PLCG2: variants seen among roughly 807,000 people sequenced by gnomAD.
PLCG2 encodes the protein phospholipase C gamma 2.
Under a neutral mutation model 175.6 loss-of-function variants are expected in PLCG2, and 69 were observed. The ratio of observed to expected loss-of-function variants is 0.39; its 90% CI spans 0.32 to 0.48. The LOEUF is 0.48. Ranked by LOEUF, PLCG2 falls within the 20% of genes least tolerant of loss-of-function variation. PLCG2 has a pLI of 0.91. For synonymous variants in PLCG2, 827 were observed against 624.0 expected (o/e 1.33, Z -4.85); for missense variants, 1,798 against 1,650.9 (o/e 1.09, Z -1.54).
intron 15 of PLCG2, among the ~76,000 whole-genome samples, 154 bp downstream of exon 15, chr16:81,905,661 T>C (rs916717908): frequency 5.3e-5 from 8 of 152,190 alleles, no homozygotes; most frequent in Non-Finnish European, 1.0e-4. Flanking sequence ...TCTTAAACTT[T>C]ATTTATTTAT....
rs1203373230 is a variant in PLCG2 at position 81,779,401 on chromosome 16, G to T, written c.-71G>T. 1 of 151,244 alleles carries T rather than the reference G, an allele frequency of 6.6e-6. No individual in the cohort carries two copies. The highest frequency in any genetic ancestry group is 2.4e-5 in the African/African-American group (1 of 41,310). The allele number at this position is 151,244 out of a possible 1,614,324, so 9.4% of individuals were successfully genotyped here. On this transcript the variant is annotated 5_prime_UTR_variant, in exon 1 of 33. Coordinates refer to ENST00000564138, the MANE Select transcript of PLCG2 (RefSeq NM_002661.5). ...AGCCCAAACCCGGGGCAGGCGGGCA[G>T]CTGTGCCCGGGCGGCACGGCCAGGT...
intron 2 of PLCG2, among the ~76,000 whole-genome samples, chr16:81,837,704 T>C (rs1024594741): frequency 3.4e-5 from 5 of 146,678 alleles, no homozygotes; most frequent in Non-Finnish European, 6.0e-5. Context: ...TTTTTTTTTC[T>C]CCTTGATGCT....
In PLCG2 at chr16:81,833,953, C is replaced by A. The variant is rs917493583; in HGVS notation, c.194-20491C>A. Reference sequence around the variant, plus strand: ...ACCTGACTTCAAAGGAAGCATTCATCTTTAGCCAGAAGCTAGCAGGTTCAC... The same window carrying A: ...ACCTGACTTCAAAGGAAGCATTCATATTTAGCCAGAAGCTAGCAGGTTCAC... On this transcript the variant is annotated intron_variant, in intron 2 of 32. Coordinates refer to ENST00000564138, the MANE Select transcript of PLCG2 (RefSeq NM_002661.5). 2.6e-5 allele frequency among the ~76,000 whole-genome samples: 4 copies of A among 152,288 alleles called. No homozygotes were observed. In the East Asian group the frequency reaches 7.7e-4, roughly 29 times the overall value.
intron 2 of PLCG2, among the ~76,000 whole-genome samples, chr16:81,843,516 C>G (rs1905945262): frequency 2.0e-5 from 3 of 152,202 alleles, no homozygotes; most frequent in African/African-American, 7.2e-5. Flanking sequence ...CTTAGTATCA[C>G]TTAACAACCT....
At chr16:81,837,568 G>A (rs746706641) in intron 2 of PLCG2, among the ~76,000 whole-genome samples, 13 of 152,184 alleles carry the variant, frequency 8.5e-5, no homozygotes, top group African/African-American at 2.7e-4. Context: ...ATGGCAAAGC[G>A]TTAACAACAG....
chr16:81,789,950 G>A (rs1451286583), intron 2 of PLCG2, among the ~76,000 whole-genome samples: 1 of 152,100 alleles, frequency 6.6e-6, no homozygotes, highest in East Asian at 1.9e-4. Flanking sequence ...TCTCCGTGGA[G>A]CCTATATTGC....
At chr16:81,803,481 TTCTC>T (rs531563425) in intron 2 of PLCG2, among the ~76,000 whole-genome samples, 6 of 152,056 alleles carry the variant, frequency 3.9e-5, no homozygotes, top group Non-Finnish European at 2.9e-5. Context: ...ATTTAGGTAG[TTCTC>T]TCTTTTTGGT....
At chr16:81,805,563 A>G (rs1911965705) in intron 2 of PLCG2, among the ~76,000 whole-genome samples, 1 of 151,272 alleles carries the variant, frequency 6.6e-6, no homozygotes, top group Non-Finnish European at 1.5e-5. Context: ...CAAAAGCTCA[A>G]CAATAAGAAA....
chr16:81,923,442 C>G, intron 21 of PLCG2, 43 bp from the exon 22 acceptor site: 1 of 1,292,038 alleles, frequency 7.7e-7, no homozygotes, highest in Non-Finnish European at 1.1e-6. Context: ...TCCCTCCCCT[C>G]CTGTCCCTGG....
At position 81,908,571 on chromosome 16, in the gene PLCG2, T is replaced by C; in HGVS notation, c.1713T>C (p.Asn571=). Reference sequence around the variant, plus strand: ...TTCGGGAGAGCGAGACCTTCCCCAATGACTACACCCTGTCCTTCTGGTAAT... The same window carrying C: ...TTCGGGAGAGCGAGACCTTCCCCAACGACTACACCCTGTCCTTCTGGTAAT... The part of the protein sequence containing the change: ...FLVRESETFP[N]DYTLSFWRSG... Residue 571 remains asparagine, a synonymous_variant, in exon 17 of 33, where the codon AAT becomes AAC. Coordinates refer to ENST00000564138, the MANE Select transcript of PLCG2 (RefSeq NM_002661.5). The C allele has an allele frequency of 6.2e-7, 1 of 1,611,326 alleles. No individual in the cohort carries two copies. The highest frequency in any genetic ancestry group is 8.5e-7 in the Non-Finnish European group (1 of 1,179,340).
At chr16:81,844,925 C>T (rs1005040445) in intron 2 of PLCG2, among the ~76,000 whole-genome samples, 1 of 152,062 alleles carries the variant, frequency 6.6e-6, no homozygotes, top group Admixed American at 6.5e-5. Flanking sequence ...TAAATTGAGA[C>T]ACCATGTTCT....
intron 1 of PLCG2, among the ~76,000 whole-genome samples, chr16:81,785,583 AT>A (rs1188436501): frequency 4.0e-5 from 6 of 151,066 alleles, no homozygotes; most frequent in Admixed American, 2.6e-4. Context: ...GATGTTGGAG[AT>A]TAGGGGTGAG....
At chr16:81,912,845 A>C in intron 19 of PLCG2, 129 bp downstream of exon 19, 2 of 1,152,002 alleles carry the variant, frequency 1.7e-6, no homozygotes, top group African/African-American at 1.6e-5. Context: ...AGCGACAACA[A>C]CAACCACCAC....
intron 31 of PLCG2, 22 bp from the exon 32 acceptor site, chr16:81,956,673 T>C: frequency 6.2e-7 from 1 of 1,607,574 alleles, no homozygotes; most frequent in Non-Finnish European, 8.5e-7. Flanking sequence ...CACATGGTTG[T>C]TCTCTCCCCT....
At chr16:81,947,242 G>A (rs1003945065) in intron 31 of PLCG2, among the ~76,000 whole-genome samples, 1 of 152,202 alleles carries the variant, frequency 6.6e-6, no homozygotes, top group Non-Finnish European at 1.5e-5. Context: ...GAAGCTTAAT[G>A]CCGGGGCTGC....
intron 25 of PLCG2, 115 bp downstream of exon 25, chr16:81,931,769 G>C (rs1910512667): frequency 1.2e-6 from 1 of 830,736 alleles, no homozygotes; most frequent in African/African-American, 1.7e-5. Context: ...GTCCTACTCA[G>C]AATTCAGGAA....
intron 1 of PLCG2, among the ~76,000 whole-genome samples, chr16:81,755,235 C>T (rs1049809742): frequency 1.3e-5 from 2 of 152,046 alleles, no homozygotes; most frequent in Admixed American, 6.6e-5. Context: ...CTCACTCTGT[C>T]ACCCAGGCTG....
At chr16:81,810,720 C>T (rs964218931) in intron 2 of PLCG2, among the ~76,000 whole-genome samples, 4 of 150,370 alleles carry the variant, frequency 2.7e-5, no homozygotes, top group African/African-American at 7.3e-5. Context: ...TTAATTCATT[C>T]TTCCTGTTAT....
intron 1 of PLCG2, among the ~76,000 whole-genome samples, chr16:81,746,305 T>C (rs1348584942): frequency 1.3e-5 from 2 of 152,164 alleles, no homozygotes; most frequent in African/African-American, 4.8e-5. Context: ...GTGCCTTGAG[T>C]GCTTGAGTTT....
Sources: allele counts gnomAD v4.1 joint callset (sites outside exome capture counted in the v4.1 genomes callset), GRCh38; gene constraint gnomAD v4.1.1; transcripts MANE v1.5; gene names NCBI Gene and HGNC (gene_info 2026-07-23, HGNC 2026-07-21).